ZNF33B: variants seen among roughly 807,000 people sequenced by gnomAD.
The protein encoded by ZNF33B is zinc finger protein 33B, also known as zinc finger protein 11b (KOX 2).
In ZNF33B, 29 loss-of-function variants were observed where a neutral mutation model predicts 45.8. The ratio of observed to expected loss-of-function variants is 0.63; its 90% confidence interval spans 0.47 to 0.86. The LOEUF is 0.86. Ranked by LOEUF, ZNF33B falls within the 40% of genes least tolerant of loss-of-function variation. ZNF33B has a pLI of 0.00. For synonymous variants in ZNF33B, 305 were observed against 307.8 expected (o/e 0.99, Z 0.10); for missense variants, 831 against 909.9 (o/e 0.91, Z 1.12).
intron 1 of ZNF33B, among the ~76,000 whole-genome samples, chr10:42,577,859 CCT>C (rs1836770687): frequency 1.3e-5 from 2 of 152,146 alleles, no homozygotes; most frequent in South Asian, 4.1e-4. Flanking sequence ...AATTGTGCAC[CCT>C]GTTCCCACTG....
chr10:42,637,022 C>T (rs1839336532), intron 1 of ZNF33B, 50 bp from the exon 2 acceptor site: 1 of 1,588,976 alleles, frequency 6.3e-7, no homozygotes, highest in Non-Finnish European at 8.6e-7. Context: ...GCCTGCCTGG[C>T]AACTCCCGGA....
Position 42,592,740 on chromosome 10 carries a change from G to A in ZNF33B, c.2210C>T (p.Ala737Val), listed in dbSNP as rs573343671. 6.2e-7 allele frequency: 1 copy of A among 1,614,066 alleles called. No homozygotes were observed. The highest frequency in any genetic ancestry group is 2.2e-5 in the East Asian group (1 of 44,874). ...CCCTGTATGTGATCTCTGATGTTTA[G>A]CAAGGTCTGATTTACGGTAAAAGAT... ...GKIFYRKSDL[A>V]KHQRSHTGEK... Residue 737 changes from alanine (A) to valine (V), a missense_variant, in exon 5 of 5, where the codon GCT becomes GTT. Coordinates refer to ENST00000359467, the MANE Select transcript of ZNF33B (RefSeq NM_006955.3).
rs1459637131 is a variant in ZNF33B, at chr10:42,636,944, G to C, written c.-16C>G. ...CCTTGTTCATTTTGTTCTGTTCTTG[G>C]AAAGACGGAGACAACTCTGAAGATA... On this transcript the variant is annotated 5_prime_UTR_variant, in exon 2 of 5. Coordinates refer to ENST00000359467, the MANE Select transcript of ZNF33B (RefSeq NM_006955.3). 4.3e-6 allele frequency: 7 copies of C among 1,614,174 alleles called. No homozygotes were observed. The highest frequency in any genetic ancestry group is 5.9e-6 in the Non-Finnish European group (7 of 1,180,016).
intron 4 of ZNF33B, 113 bp downstream of exon 4, chr10:42,631,816 G>C: frequency 1.2e-6 from 1 of 840,152 alleles, no homozygotes; most frequent in Non-Finnish European, 2.0e-6. Context: ...CCAGAGGTTA[G>C]GACCCCTATG....
intron 2 of ZNF33B, among the ~76,000 whole-genome samples, chr10:42,635,196 G>A (rs564968502): frequency 5.5e-4 from 83 of 150,228 alleles, no homozygotes; most frequent in African/African-American, 2.0e-3. Context: ...AGCCAAGATC[G>A]CACCACTGCA....
At chr10:42,586,351 G>A (rs1222707678), downstream of ZNF33B, among the ~76,000 whole-genome samples, 20 of 151,966 alleles carry the variant, frequency 1.3e-4, no homozygotes, top group Non-Finnish European at 2.9e-5. Flanking sequence ...GGGTTTCACC[G>A]TGTTAGCCAG....
chr10:42,619,127 C>CAAA (rs75304231), intron 4 of ZNF33B, among the ~76,000 whole-genome samples: 2,306 of 132,136 alleles, frequency 0.017, 67 homozygotes, highest in African/African-American at 0.062. Context: ...ACAGAAACAC[C>CAAA]AAAAAAAAAA....
At chr10:42,626,014 G>A (rs1474331793) in intron 4 of ZNF33B, among the ~76,000 whole-genome samples, 1 of 152,190 alleles carries the variant, frequency 6.6e-6, no homozygotes, top group African/African-American at 2.4e-5. Flanking sequence ...ATCTGCTATA[G>A]ATATTTTGTG....
chr10:42,605,134 G>GA (rs1837784958), intron 4 of ZNF33B: 1 of 151,636 alleles, frequency 6.6e-6, no homozygotes, highest in South Asian at 2.1e-4. Flanking sequence ...TCAAGTAGCA[G>GA]AAAAAATATT....
intron 4 of ZNF33B, among the ~76,000 whole-genome samples, chr10:42,615,268 T>C (rs528251426): frequency 6.6e-6 from 1 of 152,288 alleles, no homozygotes; most frequent in African/African-American, 2.4e-5. Context: ...AACTTATACA[T>C]GAACAATTAC....
chr10:42,589,896 T>C lies in ZNF33B; in HGVS notation c.*2717A>G, dbSNP rs908361103. The C allele has an allele frequency of 3.5e-4, 53 of 152,344 alleles. No individual in the cohort carries two copies. Among genetic ancestry groups the C allele is most frequent in the African/African-American group, 1.1e-3 (45 of 41,582 alleles). 9.4% of individuals were successfully genotyped at this position (152,344 alleles called of 1,614,324 possible). On this transcript the variant is annotated 3_prime_UTR_variant, in exon 5 of 5. Coordinates refer to ENST00000359467, the MANE Select transcript of ZNF33B (RefSeq NM_006955.3). ...TGATCTTAGTAGGAAAGCATTTAGT[T>C]GGAAACATCAAGGATGATGCTAGAT...
chr10:42,602,710 T>A (rs1008358390), intron 4 of ZNF33B, among the ~76,000 whole-genome samples: 1 of 152,164 alleles, frequency 6.6e-6, no homozygotes, highest in Non-Finnish European at 1.5e-5. Flanking sequence ...GAAAAGACCT[T>A]TCTGAACACT....
At chr10:42,637,476 T>C (rs1312238024) in intron 1 of ZNF33B, among the ~76,000 whole-genome samples, 1 of 152,214 alleles carries the variant, frequency 6.6e-6, no homozygotes, top group Non-Finnish European at 1.5e-5. Context: ...CTCAAAAGGA[T>C]GTTTTAAACT....
rs76747353 is a variant in ZNF33B at position 42,619,298 on chromosome 10, T to C, written c.250+12631A>G. Among the ~76,000 whole-genome samples the C allele has an allele frequency of 2.6e-3, 400 of 152,322 alleles. 17 individuals carry two copies. The East Asian group carries it at 0.071, about 27-fold the overall frequency. On this transcript the variant is annotated intron_variant, in intron 4 of 4. Coordinates refer to ENST00000359467, the MANE Select transcript of ZNF33B (RefSeq NM_006955.3). The stretch of plus-strand genomic sequence containing the variant: ...GACCCTCATTAATATCAGGAGCTCA[T>C]ATCTCCGCAGAAATCAATTGAAGGC...
chr10:42,592,770 C>G lies in ZNF33B; in HGVS notation c.2180G>C (p.Gly727Ala), dbSNP rs368806020. 7 of 1,613,942 alleles carry G rather than the reference C, an allele frequency of 4.3e-6. No homozygotes were observed. The East Asian group carries it at 1.6e-4, about 36-fold the overall frequency. Reference sequence around the variant, plus strand: ...GTCTGATTTACGGTAAAAGATTTTTCCACATTCATTACACTGACAAGATTT... The same window carrying G: ...GTCTGATTTACGGTAAAAGATTTTTGCACATTCATTACACTGACAAGATTT... ...GEKSCQCNEC[G>A]KIFYRKSDLA... The change falls in exon 5 of 5, where the codon GGA becomes GCA. Residue 727 changes from glycine (G) to alanine (A), a missense_variant. Gly to Ala is a moderately conservative substitution (Grantham distance 60). Coordinates refer to ENST00000359467, the MANE Select transcript of ZNF33B (RefSeq NM_006955.3).
At chr10:42,574,870 A>G (rs2132009042) in intron 1 of ZNF33B, among the ~76,000 whole-genome samples, 1 of 152,256 alleles carries the variant, frequency 6.6e-6, no homozygotes, top group Middle Eastern at 3.4e-3. Context: ...TTATCTTTCA[A>G]ATTGATTTAG....
At chr10:42,581,569 A>G (rs1294247401) in intron 1 of ZNF33B, 1 of 151,962 alleles carries the variant, frequency 6.6e-6, no homozygotes, top group African/African-American at 2.4e-5. Context: ...GAAGGAAAGC[A>G]CAAGAAACCA....
At chr10:42,611,690 A>G (rs1774164939) in intron 4 of ZNF33B, among the ~76,000 whole-genome samples, 1 of 152,242 alleles carries the variant, frequency 6.6e-6, no homozygotes, top group African/African-American at 2.4e-5. Flanking sequence ...ACTGGCTAAT[A>G]ATATATGTAA....
chr10:42,596,512 G>A (rs1272193860), intron 4 of ZNF33B, among the ~76,000 whole-genome samples: 1 of 151,998 alleles, frequency 6.6e-6, no homozygotes, highest in Non-Finnish European at 1.5e-5. Flanking sequence ...TTACTACATG[G>A]AATTATATTA....
Sources: gnomAD v4.1 joint callset for allele counts (sites outside exome capture counted in the v4.1 genomes callset) on GRCh38, gnomAD v4.1.1 for gene constraint, MANE v1.5 for transcripts, NCBI Gene and HGNC (gene_info 2026-07-23, HGNC 2026-07-21) for gene names.